SGCD: variants seen among roughly 807,000 people sequenced by gnomAD.
SGCD encodes delta-sarcoglycan.
Under a neutral mutation model 36.6 loss-of-function variants are expected in SGCD, and 18 were observed. That is an observed-to-expected ratio of 0.49 (90% CI 0.34 to 0.73). The LOEUF is 0.73. Among genes scored for constraint, SGCD ranks in the 30% least tolerant of loss-of-function variants. SGCD has a pLI of 0.01. For missense variants in SGCD, 387 were observed against 346.7 expected (o/e 1.12, Z -0.92); for synonymous variants, 133 against 130.6 (o/e 1.02, Z -0.12).
chr5:156,146,440 T>G (rs766534816), intron 3 of SGCD, among the ~76,000 whole-genome samples: 1 of 152,126 alleles, frequency 6.6e-6, no homozygotes, highest in Non-Finnish European at 1.5e-5. Flanking sequence ...TACTTGATGG[T>G]AGATGGTGTC....
At chr5:155,845,072 T>C in the SGCD span, among the ~76,000 whole-genome samples, 1 of 152,150 alleles carries the variant, frequency 6.6e-6, no homozygotes, top group Non-Finnish European at 1.5e-5. Flanking sequence ...TTCCCCTCCC[T>C]GTGTCCATGT....
chr5:156,691,681 C>G (rs886754939), intron 7 of SGCD, among the ~76,000 whole-genome samples: 3 of 152,094 alleles, frequency 2.0e-5, no homozygotes, highest in African/African-American at 7.2e-5. Context: ...AATGTAAAGC[C>G]CATGCTTAGT....
chr5:156,650,514 C>T (rs1763418879), intron 7 of SGCD, among the ~76,000 whole-genome samples: 1 of 152,084 alleles, frequency 6.6e-6, no homozygotes, highest in African/African-American at 2.4e-5. Context: ...ACTAGTCCCT[C>T]AGTGTCTTTT....
At chr5:156,468,151 G>A (rs1203570992) in intron 3 of SGCD, among the ~76,000 whole-genome samples, 1 of 151,924 alleles carries the variant, frequency 6.6e-6, no homozygotes, top group African/African-American at 2.4e-5. Context: ...GAGTTTGAGA[G>A]AAGCCTGGGC....
At chr5:156,695,786 A>G (rs1316128606) in intron 7 of SGCD, among the ~76,000 whole-genome samples, 1 of 152,232 alleles carries the variant, frequency 6.6e-6, no homozygotes, top group Non-Finnish European at 1.5e-5. Context: ...CAAAGCAGTC[A>G]TAGACAGTGG....
chr5:156,296,433 G>C (rs1278326720), intron 3 of SGCD, among the ~76,000 whole-genome samples: 1 of 152,080 alleles, frequency 6.6e-6, no homozygotes, highest in Non-Finnish European at 1.5e-5. Flanking sequence ...GTCAATAGAA[G>C]ATCTTTCTTA....
At chr5:156,597,192 C>T (rs1760961443) in intron 6 of SGCD, among the ~76,000 whole-genome samples, 1 of 151,940 alleles carries the variant, frequency 6.6e-6, no homozygotes, top group Admixed American at 6.6e-5. Flanking sequence ...TTTCCAGTGA[C>T]CAAAGCTTTT....
Position 156,208,860 on chromosome 5 carries a change from A to T in SGCD, c.-44+84841A>T, listed in dbSNP as rs993049742. On this transcript the variant is annotated intron_variant, in intron 3 of 9. Coordinates refer to the SGCD transcript ENST00000517913. ...CTTTGCACAACTATCCATTCAAGAAAATACCTTCACAAGAACTAAGGAAAT... is the reference window on the plus strand; with the variant it reads ...CTTTGCACAACTATCCATTCAAGAATATACCTTCACAAGAACTAAGGAAAT... Among the ~76,000 whole-genome samples the T allele has an allele frequency of 5.3e-5, 8 of 152,164 alleles. No individual in the cohort carries two copies. The South Asian group carries it at 6.2e-4, about 12-fold the overall frequency.
intron 4 of SGCD, among the ~76,000 whole-genome samples, chr5:156,562,520 T>G (rs1430920849): frequency 6.6e-6 from 1 of 152,120 alleles, no homozygotes; most frequent in East Asian, 1.9e-4. Context: ...GCAGGTGGCG[T>G]GGACCTCCTA....
intron 1 of SGCD, among the ~76,000 whole-genome samples, chr5:156,027,975 T>C (rs1759262048): frequency 6.6e-6 from 1 of 152,078 alleles, no homozygotes; most frequent in African/African-American, 2.4e-5. Flanking sequence ...CAAAAAAGGG[T>C]GGACTCTGTG....
intron 1 of SGCD, among the ~76,000 whole-genome samples, chr5:156,114,828 T>C (rs201739431): frequency 6.6e-6 from 1 of 152,154 alleles, no homozygotes; most frequent in East Asian, 1.9e-4. Context: ...ATAGGACAGA[T>C]TCCTGGAATC....
chr5:156,510,475 C>T (rs1756882769), intron 4 of SGCD, among the ~76,000 whole-genome samples: 1 of 152,182 alleles, frequency 6.6e-6, no homozygotes, highest in Admixed American at 6.5e-5. Context: ...TCTAGTTGAA[C>T]TTTAGACTAA....
intron 3 of SGCD, among the ~76,000 whole-genome samples, chr5:156,484,176 GA>G: frequency 6.6e-6 from 1 of 152,134 alleles, no homozygotes; most frequent in Non-Finnish European, 1.5e-5. Flanking sequence ...AAAGAAAAGG[GA>G]AACGTGAAAT....
chr5:155,776,012 C>A, the SGCD span, among the ~76,000 whole-genome samples: 1 of 152,116 alleles, frequency 6.6e-6, no homozygotes, highest in African/African-American at 2.4e-5. Context: ...AAACTTTTGG[C>A]TAGGTATTGA....
chr5:156,274,305 G>T (rs1204113716), intron 3 of SGCD, among the ~76,000 whole-genome samples: 3 of 152,178 alleles, frequency 2.0e-5, no homozygotes, highest in Middle Eastern at 3.4e-3. Context: ...GTCATGGTTT[G>T]TTCCCTTTAT....
intron 3 of SGCD, among the ~76,000 whole-genome samples, chr5:156,216,808 G>T (rs535393431): frequency 6.6e-6 from 1 of 152,312 alleles, no homozygotes; most frequent in East Asian, 1.9e-4. Context: ...GCCGGGCGTG[G>T]TGGCTCACGC....
chr5:155,759,343 C>G, the SGCD span, among the ~76,000 whole-genome samples: 1 of 152,218 alleles, frequency 6.6e-6, no homozygotes, highest in Non-Finnish European at 1.5e-5. Flanking sequence ...CCCCTTCTCT[C>G]TCTCTCACCA....
rs1309083189 is a variant in SGCD at position 156,454,111 on chromosome 5, AAGTC to A, written c.193-54487_193-54484del. Among the ~76,000 whole-genome samples the A allele has an allele frequency of 3.9e-5, 6 of 152,162 alleles. No homozygotes were observed. In the East Asian group the frequency reaches 1.2e-3, roughly 29 times the overall value. On this transcript the variant is annotated intron_variant, in intron 3 of 8. Coordinates refer to ENST00000337851, the MANE Select transcript of SGCD (RefSeq NM_000337.6). ...TAAAAAAGTGTGCTTGATTATGTAT[AAGTC>A]AGACCTCAAATTAATCTTTAAAGGA... is the stretch of plus-strand genomic sequence containing the variant.
chr5:155,812,480 A>C, the SGCD span, among the ~76,000 whole-genome samples: 1 of 152,032 alleles, frequency 6.6e-6, no homozygotes, highest in South Asian at 2.1e-4. Flanking sequence ...TCTTTTATTC[A>C]GTAGCAGTAG....
Sources: gnomAD v4.1 joint callset for allele counts (sites outside exome capture counted in the v4.1 genomes callset) on GRCh38, gnomAD v4.1.1 for gene constraint, MANE v1.5 for transcripts, NCBI Gene and HGNC (gene_info 2026-07-23, HGNC 2026-07-21) for gene names.